BMP6: variants seen among roughly 807,000 people sequenced by gnomAD.
BMP6 encodes the protein VG-1-R.
BMP6 carries 17 observed loss-of-function variants against 54.1 expected under a neutral mutation model. The ratio of observed to expected loss-of-function variants is 0.31; its 90% CI spans 0.22 to 0.47. The LOEUF (loss-of-function observed/expected upper bound fraction) is 0.47. BMP6 is among the 20% of genes least tolerant of loss of function. BMP6 has a pLI of 1.00. For synonymous variants in BMP6, 328 were observed against 291.2 expected (o/e 1.13, Z -1.28); for missense variants, 720 against 690.4 (o/e 1.04, Z -0.48).
At chr6:7,735,883 A>C (rs1412742927) in intron 1 of BMP6, among the ~76,000 whole-genome samples, 3 of 152,264 alleles carry the variant, frequency 2.0e-5, no homozygotes, top group African/African-American at 7.2e-5. Context: ...ACTCTGCCCT[A>C]CAAATCCTCT....
At chr6:7,803,152 A>C (rs920502999) in intron 1 of BMP6, among the ~76,000 whole-genome samples, 4 of 152,174 alleles carry the variant, frequency 2.6e-5, no homozygotes, top group Admixed American at 2.6e-4. Context: ...CCTCCCAGGG[A>C]AGAGTGGCGC....
chr6:7,798,381 C>A (rs1333489931), intron 1 of BMP6, among the ~76,000 whole-genome samples: 6 of 152,176 alleles, frequency 3.9e-5, no homozygotes, highest in African/African-American at 1.4e-4. Context: ...TGAACTGAAG[C>A]CAAAAGAGGT....
At chr6:7,734,306 C>A (rs1761920585) in intron 1 of BMP6, among the ~76,000 whole-genome samples, 1 of 152,218 alleles carries the variant, frequency 6.6e-6, no homozygotes, top group Non-Finnish European at 1.5e-5. Flanking sequence ...TCTCGCATAT[C>A]ATCTAATCTG....
chr6:7,771,256 C>A (rs539572116), intron 1 of BMP6, among the ~76,000 whole-genome samples: 1 of 152,274 alleles, frequency 6.6e-6, no homozygotes, highest in South Asian at 2.1e-4. Context: ...CAGATGTCAG[C>A]TGGGCTTGTC....
chr6:7,852,555 C>G (rs1192397244), intron 2 of BMP6, among the ~76,000 whole-genome samples: 1 of 152,084 alleles, frequency 6.6e-6, no homozygotes, highest in Non-Finnish European at 1.5e-5. Flanking sequence ...CTATGCTGGG[C>G]AACAAAGCAA....
At chr6:7,748,458 G>A (rs1174674776) in intron 1 of BMP6, among the ~76,000 whole-genome samples, 1 of 152,176 alleles carries the variant, frequency 6.6e-6, no homozygotes, top group African/African-American at 2.4e-5. Flanking sequence ...GAACAGTTTA[G>A]GCAGTGCTTA....
intron 1 of BMP6, among the ~76,000 whole-genome samples, chr6:7,734,301 C>G (rs181330278): frequency 6.6e-6 from 1 of 152,210 alleles, no homozygotes; most frequent in Non-Finnish European, 1.5e-5. Flanking sequence ...AAAGTTCTCG[C>G]ATATCATCTA....
intron 1 of BMP6, among the ~76,000 whole-genome samples, chr6:7,735,620 G>T (rs1312831074): frequency 6.6e-6 from 1 of 152,032 alleles, no homozygotes; most frequent in Non-Finnish European, 1.5e-5. Context: ...GAGGTTCACA[G>T]CAAAACTGAG....
At chr6:7,735,629 A>G (rs1433335194) in intron 1 of BMP6, among the ~76,000 whole-genome samples, 1 of 152,124 alleles carries the variant, frequency 6.6e-6, no homozygotes, top group African/African-American at 2.4e-5. Context: ...AGCAAAACTG[A>G]GCAAAATTTT....
chr6:7,773,197 T>C (rs905649411), intron 1 of BMP6, among the ~76,000 whole-genome samples: 1 of 152,212 alleles, frequency 6.6e-6, no homozygotes, highest in East Asian at 1.9e-4. Flanking sequence ...TCCCAAATGG[T>C]GCACCTAACA....
At chr6:7,846,007 A>T (rs1242938945) in intron 2 of BMP6, among the ~76,000 whole-genome samples, 1 of 152,250 alleles carries the variant, frequency 6.6e-6, no homozygotes, top group Non-Finnish European at 1.5e-5. Context: ...GTTAGTACAG[A>T]AGAAGCCAAT....
chr6:7,792,137 A>G (rs1758118312), intron 1 of BMP6, among the ~76,000 whole-genome samples: 1 of 152,180 alleles, frequency 6.6e-6, no homozygotes, highest in African/African-American at 2.4e-5. Context: ...CTGTAAACTC[A>G]GGCGGGAGGT....
intron 1 of BMP6, among the ~76,000 whole-genome samples, chr6:7,732,030 A>T (rs1761868387): frequency 6.6e-6 from 1 of 152,240 alleles, no homozygotes; most frequent in Non-Finnish European, 1.5e-5. Flanking sequence ...TTTTCTGAAC[A>T]AAATTACTCT....
rs184807828 is a variant in BMP6 at position 7,835,835 on chromosome 6, A to G, written c.665-9305A>G. On this transcript the variant is annotated intron_variant, in intron 1 of 6. Coordinates refer to ENST00000283147, the MANE Select transcript of BMP6 (RefSeq NM_001718.6). Reference sequence around the variant, plus strand: ...GTGGTAGCTACTGAGCATCTCCCCAATTTTTTTTTTTCTTTTTTTGAGATG... The same window carrying G: ...GTGGTAGCTACTGAGCATCTCCCCAGTTTTTTTTTTTCTTTTTTTGAGATG... Among the ~76,000 whole-genome samples, 319 of 146,784 alleles carry G rather than the reference A, an allele frequency of 2.2e-3. 3 individuals carry two copies. Among genetic ancestry groups the G allele is most frequent in the African/African-American group, 7.5e-3 (301 of 40,090 alleles).
intron 4 of BMP6, among the ~76,000 whole-genome samples, chr6:7,868,763 C>T (rs1253107749): frequency 3.3e-5 from 5 of 152,350 alleles, no homozygotes; most frequent in Admixed American, 6.5e-5. Flanking sequence ...ACCTGCTGAG[C>T]GGGGACACCC....
Position 7,727,487 on chromosome 6 carries a change from G to T in BMP6, c.532G>T (p.Ala178Ser). ...CCAGCGTCGGCAGCCGCCCCCGGGC[G>T]CCGCGCACCCGCTCAACCGCAAGAG... ...SSQRRQPPPG[A>S]AHPLNRKSLL... Residue 178 changes from alanine to serine, a missense_variant, in exon 1 of 7, where the codon GCC (alanine) becomes TCC (serine). By Grantham distance (99) the Ala-to-Ser change is moderately conservative. This residue lies in a region of BMP6 where 650 missense variants were observed against 556.3 expected (regional missense o/e 1.17). Coordinates refer to ENST00000283147, the MANE Select transcript of BMP6 (RefSeq NM_001718.6). 2 of 1,594,220 alleles carry T rather than the reference G, an allele frequency of 1.3e-6. No homozygotes were observed. Among genetic ancestry groups the T allele is most frequent in the African/African-American group, 1.3e-5 (1 of 74,718 alleles).
chr6:7,845,018 C>T (rs1020012332), intron 1 of BMP6, 122 bp from the exon 2 acceptor site: 27 of 850,972 alleles, frequency 3.2e-5, no homozygotes, highest in African/African-American at 2.0e-4. Context: ...ACCCGATCCC[C>T]GTAGTAAGCC....
At chr6:7,853,475 T>G (rs1396680177) in intron 2 of BMP6, among the ~76,000 whole-genome samples, 5 of 152,216 alleles carry the variant, frequency 3.3e-5, no homozygotes, top group Non-Finnish European at 7.3e-5. Flanking sequence ...CTATAAAATC[T>G]GTTGGATTTT....
rs937092808 is a variant in BMP6 at position 7,831,323 on chromosome 6, G to C, written c.665-13817G>C. On this transcript the variant is annotated intron_variant, in intron 1 of 6. Transcript: ENST00000283147. ...GGGGAGGAGGAAATGGGGAGCTTTT[G>C]CTTCATGGGCTTTGTGTAGAGGCGA... Among the ~76,000 whole-genome samples the C allele has an allele frequency of 2.0e-5, 3 of 152,192 alleles. No individual in the cohort carries two copies. The East Asian group carries it at 5.8e-4, about 29-fold the overall frequency.
Sources: gnomAD v4.1 joint callset for allele counts (sites outside exome capture counted in the v4.1 genomes callset) on GRCh38, gnomAD v4.1.1 for gene constraint, gnomAD v4.1.1 regional missense constraint, MANE v1.5 for transcripts, NCBI Gene and HGNC (gene_info 2026-07-23, HGNC 2026-07-21) for gene names.